Variants in ANGPT1 observed in about 807,000 individuals in gnomAD.
ANGPT1 encodes angiopoietin-1.
A neutral mutation model predicts 62.2 loss-of-function variants in ANGPT1; 17 were observed. The observed-to-expected ratio is 0.27, with a 90% CI of 0.19 to 0.41. ANGPT1 has a LOEUF of 0.41. Among genes scored for constraint, ANGPT1 ranks in the 10% least tolerant of loss-of-function variants. ANGPT1 has a pLI of 1.00. For synonymous variants in ANGPT1, 199 were observed against 198.9 expected, an observed-to-expected ratio of 1.00 and a Z score of 0.00; for missense variants, 478 against 594.9, an observed-to-expected ratio of 0.80 and a Z score of 2.04.
At chr8:107,328,081 G>A (rs887366176) in intron 3 of ANGPT1, among the ~76,000 whole-genome samples, 1 of 152,066 alleles carries the variant, frequency 6.6e-6, no homozygotes, top group Non-Finnish European at 1.5e-5. Flanking sequence ...AGCTCTATGA[G>A]TATAAATATA....
chr8:107,411,971 A>G (rs892946688), intron 1 of ANGPT1, among the ~76,000 whole-genome samples: 2 of 152,168 alleles, frequency 1.3e-5, no homozygotes, highest in Non-Finnish European at 2.9e-5. Flanking sequence ...CTCAGCTTGT[A>G]CATTCTTGAT....
chr8:107,388,225 C>A (rs967858280), intron 1 of ANGPT1, among the ~76,000 whole-genome samples: 6 of 151,892 alleles, frequency 4.0e-5, no homozygotes, highest in Non-Finnish European at 8.8e-5. Flanking sequence ...TGAGACCGGG[C>A]AACATAGCAA....
chr8:107,386,929 T>A (rs1281012011), intron 1 of ANGPT1, among the ~76,000 whole-genome samples: 2 of 152,096 alleles, frequency 1.3e-5, no homozygotes, highest in South Asian at 4.1e-4. Context: ...TGTATTATTT[T>A]TGAGAGTGTA....
rs184584770 is a variant in ANGPT1, at chr8:107,282,016, C to T, written c.1205+2666G>A. On this transcript the variant is annotated intron_variant, in intron 7 of 8. Coordinates refer to ENST00000517746, the MANE Select transcript of ANGPT1 (RefSeq NM_001146.5). ...CAGGCCACGGGAGGCATTAATGGGC[C>T]TAGAGAAGCAGTACTGGGCATACGT... Among the ~76,000 whole-genome samples, 67 of 150,942 alleles carry T rather than the reference C, an allele frequency of 4.4e-4. No individual in the cohort carries two copies. The East Asian group carries it at 7.0e-3, about 16-fold the overall frequency.
intron 1 of ANGPT1, among the ~76,000 whole-genome samples, chr8:107,353,791 G>A (rs1042353067): frequency 6.6e-6 from 1 of 152,116 alleles, no homozygotes; most frequent in African/African-American, 2.4e-5. Context: ...GAGTCTAGCA[G>A]GAAATAGAAA....
chr8:107,277,670 C>G (rs1813897179), intron 7 of ANGPT1, among the ~76,000 whole-genome samples: 1 of 152,140 alleles, frequency 6.6e-6, no homozygotes, highest in Non-Finnish European at 1.5e-5. Flanking sequence ...TCTTTTGTGC[C>G]TTTGGATGTG....
At chr8:107,363,807 T>C (rs1207973023) in intron 1 of ANGPT1, among the ~76,000 whole-genome samples, 1 of 152,202 alleles carries the variant, frequency 6.6e-6, no homozygotes, top group Non-Finnish European at 1.5e-5. Flanking sequence ...AGCTTCCTAA[T>C]ACTTATTAAC....
intron 1 of ANGPT1, among the ~76,000 whole-genome samples, chr8:107,348,044 G>C (rs1297807834): frequency 3.3e-5 from 5 of 152,162 alleles, no homozygotes. Context: ...ACTGTGTGGT[G>C]ACTACATTTT....
intron 1 of ANGPT1, among the ~76,000 whole-genome samples, chr8:107,406,942 G>A (rs577541228): frequency 6.7e-6 from 1 of 149,296 alleles, no homozygotes; most frequent in South Asian, 2.1e-4. Context: ...AATTCCTTAA[G>A]TCAGTTTATA....
intron 1 of ANGPT1, among the ~76,000 whole-genome samples, chr8:107,409,163 T>C (rs1817209335): frequency 6.6e-6 from 1 of 152,238 alleles, no homozygotes; most frequent in East Asian, 1.9e-4. Flanking sequence ...GAAATATTCT[T>C]ATCTGATGCA....
intron 1 of ANGPT1, among the ~76,000 whole-genome samples, chr8:107,475,968 C>A (rs970095690): frequency 7.9e-5 from 12 of 152,156 alleles, no homozygotes; most frequent in Admixed American, 6.5e-4. Context: ...GAAATAAGAA[C>A]AATTTTACTC....
intron 1 of ANGPT1, among the ~76,000 whole-genome samples, chr8:107,486,402 A>G (rs770252480): frequency 2.6e-5 from 4 of 152,190 alleles, no homozygotes; most frequent in Non-Finnish European, 5.9e-5. Context: ...CACGTGAGGC[A>G]ATTATAACAC....
chr8:107,287,806 C>T (rs1814178305), intron 6 of ANGPT1, among the ~76,000 whole-genome samples: 1 of 152,142 alleles, frequency 6.6e-6, no homozygotes, highest in African/African-American at 2.4e-5. Flanking sequence ...TTCTGAGCCT[C>T]AGTTTCTCTG....
At chr8:107,375,758 C>T (rs1816518821) in intron 1 of ANGPT1, among the ~76,000 whole-genome samples, 1 of 152,148 alleles carries the variant, frequency 6.6e-6, no homozygotes, top group Non-Finnish European at 1.5e-5. Flanking sequence ...AAGACTTGGA[C>T]CTCACTGCTC....
chr8:107,447,355 T>C (rs559906232), intron 1 of ANGPT1, among the ~76,000 whole-genome samples: 1 of 152,310 alleles, frequency 6.6e-6, no homozygotes, highest in South Asian at 2.1e-4. Flanking sequence ...CCCTCTATGG[T>C]ACAGAATTAT....
intron 5 of ANGPT1, among the ~76,000 whole-genome samples, chr8:107,296,646 A>T (rs1302955051): frequency 4.6e-5 from 7 of 152,090 alleles, no homozygotes; most frequent in Non-Finnish European, 1.0e-4. Flanking sequence ...ATGAGAAAAA[A>T]GGGAAGTGAA....
intron 1 of ANGPT1, among the ~76,000 whole-genome samples, chr8:107,372,461 T>C (rs1202213514): frequency 1.3e-5 from 2 of 152,178 alleles, no homozygotes; most frequent in East Asian, 3.9e-4. Context: ...CAAATGCATT[T>C]GTCTAATTCT....
At chr8:107,369,463 A>G (rs568444472) in intron 1 of ANGPT1, among the ~76,000 whole-genome samples, 30 of 152,292 alleles carry the variant, frequency 2.0e-4, no homozygotes, top group African/African-American at 6.7e-4. Context: ...CTGGAATAGT[A>G]TTTTAATTTC....
chr8:107,447,036 T>C (rs535289040), intron 1 of ANGPT1, among the ~76,000 whole-genome samples: 1 of 152,322 alleles, frequency 6.6e-6, no homozygotes, highest in African/African-American at 2.4e-5. Flanking sequence ...TCCTCTCTCA[T>C]AGCCAACGCC....
Sources: gnomAD v4.1 joint callset for allele counts (sites outside exome capture counted in the v4.1 genomes callset) on GRCh38, gnomAD v4.1.1 for gene constraint, MANE v1.5 for transcripts, NCBI Gene and HGNC (gene_info 2026-07-23, HGNC 2026-07-21) for gene names.